Variants in SOCS7 observed in about 807,000 individuals in gnomAD.
SOCS7 encodes the protein NAP-4.
A neutral mutation model predicts 58.9 loss-of-function variants in SOCS7; 18 were observed. The observed-to-expected ratio is 0.31, with a 90% confidence interval of 0.21 to 0.45. SOCS7 has a LOEUF of 0.45. Among genes scored for constraint, SOCS7 ranks in the 20% least tolerant of loss-of-function variants. The pLI, the probability that SOCS7 is intolerant of heterozygous loss-of-function variation, is 1.00. For missense variants in SOCS7, 667 were observed against 837.3 expected (o/e 0.80, Z 2.51); for synonymous variants, 388 against 364.3 (o/e 1.06, Z -0.74).
intron 6 of SOCS7, among the ~76,000 whole-genome samples, 196 bp from the exon 7 acceptor site, chr17:38,377,518 A>G (rs1057392245): frequency 6.6e-6 from 1 of 152,200 alleles, no homozygotes; most frequent in East Asian, 1.9e-4. Flanking sequence ...GACCTAATTT[A>G]TGTCTTACAA....
chr17:38,370,027 G>A (rs2037841766), intron 6 of SOCS7, among the ~76,000 whole-genome samples: 1 of 151,918 alleles, frequency 6.6e-6, no homozygotes, highest in South Asian at 2.1e-4. Context: ...TCCTGACCTC[G>A]TGATTCGCCC....
At chr17:38,394,748 C>T (rs2038223230) in intron 7 of SOCS7, among the ~76,000 whole-genome samples, 2 of 152,182 alleles carry the variant, frequency 1.3e-5, no homozygotes, top group South Asian at 4.1e-4. Flanking sequence ...GGACTCTCAG[C>T]TGTTATGAGT....
rs763016423 is a variant in SOCS7 at position 38,402,603 on chromosome 17, G to A, written c.*3121G>A. The A allele has an allele frequency of 1.6e-4, 25 of 152,242 alleles. No individual in the cohort carries two copies. Among genetic ancestry groups the A allele is most frequent in the Non-Finnish European group, 2.9e-4 (20 of 68,108 alleles). 9.4% of individuals were successfully genotyped at this position (152,242 alleles called of 1,614,324 possible). ...AAATTAGCTGGGCATGGTGGCATGC[G>A]CCTGTAGTCCCAGCTACTTGGGAGG... On this transcript the variant is annotated 3_prime_UTR_variant, in exon 10 of 10. Transcript: ENST00000612932.
At chr17:38,386,989 G>A (rs906676405) in intron 7 of SOCS7, among the ~76,000 whole-genome samples, 2 of 148,158 alleles carry the variant, frequency 1.3e-5, no homozygotes, top group Non-Finnish European at 3.0e-5. Context: ...GGGCAGCTGA[G>A]GCAGGAGAAT....
At chr17:38,371,766 T>G (rs1261516090) in intron 6 of SOCS7, among the ~76,000 whole-genome samples, 12 of 150,060 alleles carry the variant, frequency 8.0e-5, no homozygotes, top group Admixed American at 3.3e-4. Context: ...TTTTTTTTTT[T>G]TTTTTTTTTT....
In SOCS7 at chr17:38,365,308, A is replaced by G; in HGVS notation, c.1151A>G (p.Asp384Gly). The G allele has an allele frequency of 6.2e-7, 1 of 1,608,958 alleles. No individual in the cohort carries two copies. The highest frequency in any genetic ancestry group is 8.5e-7 in the Non-Finnish European group (1 of 1,177,008). The change falls in exon 4 of 10, where the codon GAT becomes GGT. Residue 384 changes from aspartate (D) to glycine (G), a missense_variant and splice_region_variant. Transcript: ENST00000612932. ...CTCTTGCTTTTGTTCTCTCTTCTAG[A>G]TGATATCAGTGGGACGCTGCCTACA... ...PPPRRSLSLL[D>G]DISGTLPTSV...
In SOCS7 at chr17:38,352,921, G is replaced by A; in HGVS notation, c.869G>A (p.Gly290Asp). The part of the protein sequence containing the change: ...RLFRTKSCNG[G>D]SGGGDGTGKR... ...TTTCGCACCAAGAGCTGCAACGGTGGCTCCGGCGGTGGGGATGGGACCGGC... is the reference window on the plus strand; with the variant it reads ...TTTCGCACCAAGAGCTGCAACGGTGACTCCGGCGGTGGGGATGGGACCGGC... The change falls in exon 1 of 10, where the codon GGC becomes GAC. Residue 290 changes from glycine (G) to aspartate (D), a missense_variant. Physicochemically the swap from Gly to Asp is moderately conservative, Grantham distance 94. This residue lies in a region of SOCS7 where 208 missense variants were observed against 190.3 expected (regional missense o/e 1.09). Coordinates refer to ENST00000612932, the MANE Select transcript of SOCS7 (RefSeq NM_014598.4). This position sits in a 1 kb window ranked among gnomAD's most constrained non-coding sequence, Gnocchi z 5.5. 2 of 1,607,018 alleles carry A rather than the reference G, an allele frequency of 1.2e-6. No homozygotes were observed. Among genetic ancestry groups the A allele is most frequent in the Non-Finnish European group, 1.7e-6 (2 of 1,177,932 alleles).
chr17:38,360,831 A>C (rs2037708821), intron 1 of SOCS7, among the ~76,000 whole-genome samples: 1 of 152,138 alleles, frequency 6.6e-6, no homozygotes, highest in African/African-American at 2.4e-5. Flanking sequence ...GAGCCACCGC[A>C]CCCGGCCAGC....
intron 7 of SOCS7, among the ~76,000 whole-genome samples, chr17:38,385,513 A>T (rs2038058133): frequency 6.6e-6 from 1 of 151,466 alleles, no homozygotes; most frequent in African/African-American, 2.4e-5. Context: ...TATAAGGTGA[A>T]CACCACTCAG....
chr17:38,387,133 G>GTGTGTATATATATATATA (rs1269515665), intron 7 of SOCS7, among the ~76,000 whole-genome samples: 2 of 73,494 alleles, frequency 2.7e-5, no homozygotes, highest in East Asian at 4.2e-4. Context: ...ATATATGTAT[G>GTGTGTATATATATATATA]TATATATATA....
chr17:38,395,235 T>A, intron 7 of SOCS7, 74 bp from the exon 8 acceptor site: 1 of 1,518,498 alleles, frequency 6.6e-7, no homozygotes. Context: ...CCTCCCTAGG[T>A]TCTCTTCATA....
chr17:38,389,894 T>TGTACATATATATATATGTAC (rs1235931148), intron 7 of SOCS7, among the ~76,000 whole-genome samples: 1 of 93,128 alleles, frequency 1.1e-5, no homozygotes, highest in Non-Finnish European at 1.9e-5. Flanking sequence ...TACATATATA[T>TGTACATATATATATATGTAC]ATATACACAT....
At chr17:38,378,881 C>T (rs2037964961) in intron 7 of SOCS7, among the ~76,000 whole-genome samples, 1 of 152,080 alleles carries the variant, frequency 6.6e-6, no homozygotes, top group Non-Finnish European at 1.5e-5. Flanking sequence ...TTAAGCCAGG[C>T]ATGGTGGCTC....
Position 38,372,695 on chromosome 17 carries a change from G to T in SOCS7, c.1552+4645G>T, listed in dbSNP as rs569638329. ...GTGTTGCTGGAAGTTCCCCTAAGAG[G>T]CAGAGAAAAGTTAGAACATTACAAG... On this transcript the variant is annotated intron_variant, in intron 6 of 9. Transcript: ENST00000612932. Among the ~76,000 whole-genome samples the T allele has an allele frequency of 1.9e-3, 291 of 152,284 alleles. 1 individual carries two copies. The highest frequency in any genetic ancestry group is 7.0e-3 in the African/African-American group (289 of 41,554).
intron 7 of SOCS7, among the ~76,000 whole-genome samples, chr17:38,378,082 G>C (rs556167258): frequency 6.6e-6 from 1 of 152,304 alleles, no homozygotes; most frequent in African/African-American, 2.4e-5. Flanking sequence ...TTCCACCTCT[G>C]ATGTCCAGGC....
At chr17:38,359,182 A>G (rs2037681900) in intron 1 of SOCS7, among the ~76,000 whole-genome samples, 1 of 152,234 alleles carries the variant, frequency 6.6e-6, no homozygotes, top group Non-Finnish European at 1.5e-5. Flanking sequence ...GCAGTCCTAA[A>G]GTTCATGTCC....
At chr17:38,356,110 C>T (rs927276856) in intron 1 of SOCS7, among the ~76,000 whole-genome samples, 2 of 151,920 alleles carry the variant, frequency 1.3e-5, no homozygotes, top group African/African-American at 2.4e-5. Context: ...AGGTTGGTCC[C>T]GAACTCCTGA....
At chr17:38,382,005 A>C (rs1457991594) in intron 7 of SOCS7, among the ~76,000 whole-genome samples, 2 of 151,250 alleles carry the variant, frequency 1.3e-5, no homozygotes, top group Non-Finnish European at 2.9e-5. Flanking sequence ...AACACCAGAC[A>C]GCAGTGAGAG....
chr17:38,393,297 G>A (rs534362609), intron 7 of SOCS7, among the ~76,000 whole-genome samples: 3 of 152,232 alleles, frequency 2.0e-5, no homozygotes, highest in Non-Finnish European at 2.9e-5. Flanking sequence ...GGGATGCGGT[G>A]TACATGCTTT....
Sources: gnomAD v4.1 joint callset for allele counts (sites outside exome capture counted in the v4.1 genomes callset) on GRCh38, gnomAD v4.1.1 for gene constraint, gnomAD v4.1.1 regional missense constraint, Gnocchi (gnomAD v3.1) non-coding constraint, MANE v1.5 for transcripts, NCBI Gene and HGNC (gene_info 2026-07-23, HGNC 2026-07-21) for gene names.